The following MAML2 variants were observed in gnomAD, a reference collection of about 807,000 sequenced individuals.
MAML2 encodes mastermind like transcriptional coactivator 2, also known as mastermind-like protein 2.
Under a neutral mutation model 96.1 loss-of-function variants are expected in MAML2, and 22 were observed. The ratio of observed to expected loss-of-function variants is 0.23; its 90% confidence interval spans 0.16 to 0.33. The LOEUF (loss-of-function observed/expected upper bound fraction) is 0.33. Among genes scored for constraint, MAML2 ranks in the 10% least tolerant of loss-of-function variants. MAML2 has a pLI of 1.00. For synonymous variants in MAML2, 561 were observed against 521.3 expected (o/e 1.08, Z -1.04); for missense variants, 1,367 against 1,392.4 (o/e 0.98, Z 0.29).
intron 2 of MAML2, among the ~76,000 whole-genome samples, chr11:96,047,701 G>A (rs944719385): frequency 6.6e-6 from 1 of 151,954 alleles, no homozygotes; most frequent in Non-Finnish European, 1.5e-5. Context: ...ACGAAGTCAC[G>A]AGCTCGAGAC....
rs886608595 is a variant in MAML2 at position 96,183,280 on chromosome 11, G to A, written c.514-89763C>T. On this transcript the variant is annotated intron_variant, in intron 1 of 4. Coordinates refer to ENST00000524717, the MANE Select transcript of MAML2 (RefSeq NM_032427.4). Reference sequence around the variant, plus strand: ...GGCCTTGAACATCATGTCTATACATGTTCTATATTCAGCATATTTGCTTAT... The same window carrying A: ...GGCCTTGAACATCATGTCTATACATATTCTATATTCAGCATATTTGCTTAT... Among the ~76,000 whole-genome samples, 9 of 151,554 alleles carry A rather than the reference G, an allele frequency of 5.9e-5. No homozygotes were observed. The South Asian group carries it at 1.0e-3, about 18-fold the overall frequency.
intron 1 of MAML2, among the ~76,000 whole-genome samples, chr11:96,103,807 G>A (rs1859975307): frequency 6.6e-6 from 1 of 152,140 alleles, no homozygotes; most frequent in Admixed American, 6.5e-5. Context: ...CTGCCCCACT[G>A]TGTTCTCTGG....
chr11:96,234,705 C>T (rs996358062), intron 1 of MAML2, among the ~76,000 whole-genome samples: 2 of 152,116 alleles, frequency 1.3e-5, no homozygotes, highest in African/African-American at 4.8e-5. Flanking sequence ...TTAAAAAACA[C>T]CTTCAAGCTT....
intron 1 of MAML2, among the ~76,000 whole-genome samples, chr11:96,332,841 T>C (rs1213918855): frequency 6.6e-6 from 1 of 151,404 alleles, no homozygotes; most frequent in South Asian, 2.1e-4. Flanking sequence ...CCTCCAGATA[T>C]GAGCATTTTA....
At chr11:96,018,745 T>A (rs1283647693) in intron 2 of MAML2, among the ~76,000 whole-genome samples, 1 of 152,144 alleles carries the variant, frequency 6.6e-6, no homozygotes, top group African/African-American at 2.4e-5. Flanking sequence ...TACAGGGACC[T>A]GCCACCATGA....
At chr11:96,322,668 G>C (rs1350351310) in intron 1 of MAML2, among the ~76,000 whole-genome samples, 1 of 152,166 alleles carries the variant, frequency 6.6e-6, no homozygotes, top group Non-Finnish European at 1.5e-5. Context: ...CTCCACCCTG[G>C]GGGCCACGGA....
At chr11:96,094,081 T>C (rs1351546646) in intron 1 of MAML2, among the ~76,000 whole-genome samples, 1 of 148,610 alleles carries the variant, frequency 6.7e-6, no homozygotes, top group Non-Finnish European at 1.5e-5. Flanking sequence ...TATGCTATTA[T>C]TGTTCATCTA....
At chr11:96,002,698 G>A (rs12786495) in intron 2 of MAML2, among the ~76,000 whole-genome samples, 31,736 of 102,230 alleles carry the variant, frequency 0.31, 4,450 homozygotes, top group Non-Finnish European at 0.36. Flanking sequence ...TGGGGAGCAT[G>A]ATGGGGATGA....
chr11:96,068,823 C>T (rs894835050), intron 2 of MAML2, among the ~76,000 whole-genome samples: 2 of 147,528 alleles, frequency 1.4e-5, no homozygotes, highest in African/African-American at 2.5e-5. Flanking sequence ...GAGCAAGACT[C>T]CTTCTCAAAA....
chr11:96,203,174 G>A (rs1861850155), intron 1 of MAML2, among the ~76,000 whole-genome samples: 1 of 152,200 alleles, frequency 6.6e-6, no homozygotes, highest in Non-Finnish European at 1.5e-5. Flanking sequence ...GCCAGGCTGT[G>A]TTTTAGGCAC....
At chr11:96,108,899 T>G (rs1422872601) in intron 1 of MAML2, among the ~76,000 whole-genome samples, 1 of 151,766 alleles carries the variant, frequency 6.6e-6, no homozygotes, top group Admixed American at 6.6e-5. Context: ...CTATGCATGG[T>G]GGTGGCATCT....
intron 1 of MAML2, among the ~76,000 whole-genome samples, chr11:96,110,323 G>A (rs4753722): frequency 0.69 from 104,660 of 152,104 alleles, 36,297 homozygotes; most frequent in East Asian, 0.95. Context: ...CACAGCAGTT[G>A]GTACAATACT....
At chr11:96,143,687 T>C (rs755387427) in intron 1 of MAML2, among the ~76,000 whole-genome samples, 16 of 152,202 alleles carry the variant, frequency 1.1e-4, no homozygotes, top group Admixed American at 7.2e-4. Flanking sequence ...TCCTTGCACA[T>C]ATTTTGTGCT....
At chr11:96,072,732 T>A (rs1000036314) in intron 2 of MAML2, among the ~76,000 whole-genome samples, 1 of 152,214 alleles carries the variant, frequency 6.6e-6, no homozygotes, top group African/African-American at 2.4e-5. Context: ...GAACCCTGGA[T>A]GGGACCAGAG....
intron 1 of MAML2, among the ~76,000 whole-genome samples, chr11:96,095,673 T>A (rs1399113244): frequency 1.3e-5 from 2 of 152,178 alleles, no homozygotes; most frequent in African/African-American, 4.8e-5. Context: ...TTGTTTCCAA[T>A]CCCAGGTCAG....
chr11:96,225,942 AG>A (rs1268637533), intron 1 of MAML2, among the ~76,000 whole-genome samples: 1 of 152,244 alleles, frequency 6.6e-6, no homozygotes, highest in East Asian at 1.9e-4. Flanking sequence ...CAAGGTAGCA[AG>A]GAAATTTGAG....
chr11:96,179,773 G>A (rs1170811434), intron 1 of MAML2, among the ~76,000 whole-genome samples: 1 of 152,188 alleles, frequency 6.6e-6, no homozygotes, highest in African/African-American at 2.4e-5. Flanking sequence ...ACTCTTTCAT[G>A]CCACTCTCAG....
chr11:96,002,538 GAT>G (rs1168987006), intron 2 of MAML2, among the ~76,000 whole-genome samples: 17 of 124,020 alleles, frequency 1.4e-4, no homozygotes, highest in African/African-American at 6.9e-4. Flanking sequence ...GGCTGATGAA[GAT>G]GATGATGGGG....
intron 1 of MAML2, among the ~76,000 whole-genome samples, chr11:96,254,089 G>A (rs763214605): frequency 6.6e-6 from 1 of 152,176 alleles, no homozygotes; most frequent in Non-Finnish European, 1.5e-5. Flanking sequence ...GGTCCTATTA[G>A]AGGTATTTTA....
Sources: gnomAD v4.1 joint callset for allele counts (sites outside exome capture counted in the v4.1 genomes callset) on GRCh38, gnomAD v4.1.1 for gene constraint, MANE v1.5 for transcripts, NCBI Gene and HGNC (gene_info 2026-07-23, HGNC 2026-07-21) for gene names.